The following ZDHHC14 variants were observed in gnomAD, a reference collection of about 807,000 sequenced individuals.
ZDHHC14 encodes the protein zDHHC palmitoyltransferase 14.
ZDHHC14 carries 16 observed loss-of-function variants against 47.7 expected under a neutral mutation model. The observed-to-expected ratio is 0.34, with a 90% CI of 0.23 to 0.51. The LOEUF is 0.51. Ranked by LOEUF, ZDHHC14 falls within the 20% of genes least tolerant of loss-of-function variation. The pLI is 0.97. For missense variants in ZDHHC14, 515 were observed against 662.5 expected (o/e 0.78, Z 2.44); for synonymous variants, 293 against 278.9 (o/e 1.05, Z -0.50).
In ZDHHC14 at chr6:157,397,566, G is replaced by A. The variant is rs546761060; in HGVS notation, c.245+15300G>A. 1.5e-3 allele frequency among the ~76,000 whole-genome samples: 236 copies of A among 152,294 alleles called. 1 individual carries two copies. Among genetic ancestry groups the A allele is most frequent in the African/African-American group, 5.3e-3 (219 of 41,548 alleles). On this transcript the variant is annotated intron_variant, in intron 1 of 8. Transcript: ENST00000359775. ...GCCAGGAAGGGCTTTCTGCTTTTAA[G>A]AACCCATGGGATTCCCTGGGCCCAC...
intron 1 of ZDHHC14, among the ~76,000 whole-genome samples, chr6:157,395,571 G>A (rs1156602013): frequency 2.0e-5 from 3 of 152,064 alleles, no homozygotes; most frequent in South Asian, 4.1e-4. Flanking sequence ...CAAGGCCGGC[G>A]GATCAGGAGG....
chr6:157,522,983 T>TCC (rs1562461110), intron 1 of ZDHHC14, among the ~76,000 whole-genome samples: 4 of 34,994 alleles, frequency 1.1e-4, no homozygotes, highest in African/African-American at 7.7e-4. Flanking sequence ...TTCTTTTCTT[T>TCC]TTCTTTTCTT....
intron 1 of ZDHHC14, among the ~76,000 whole-genome samples, chr6:157,435,531 TTC>T (rs762480715): frequency 6.6e-6 from 1 of 151,756 alleles, no homozygotes; most frequent in Non-Finnish European, 1.5e-5. Context: ...CCTCCCTCAT[TTC>T]TCTCTCTCTC....
chr6:157,556,229 A>G (rs994826436), intron 2 of ZDHHC14, among the ~76,000 whole-genome samples: 5 of 132,448 alleles, frequency 3.8e-5, no homozygotes, highest in African/African-American at 1.4e-4. Context: ...GCAGGAAAGC[A>G]GAGCCAGCAG....
At chr6:157,542,399 T>C (rs1362313659) in intron 1 of ZDHHC14, among the ~76,000 whole-genome samples, 186 bp from the exon 2 acceptor site, 1 of 152,228 alleles carries the variant, frequency 6.6e-6, no homozygotes, top group African/African-American at 2.4e-5. Context: ...CAATTGTCTG[T>C]AAGACAGAAC....
At chr6:157,453,786 T>TG (rs1778853550) in intron 1 of ZDHHC14, among the ~76,000 whole-genome samples, 1 of 81,536 alleles carries the variant, frequency 1.2e-5, no homozygotes, top group African/African-American at 5.4e-5. Context: ...GTTTTTTGTG[T>TG]TTTGTGTGTG....
chr6:157,555,182 C>T (rs1366493738), intron 2 of ZDHHC14, among the ~76,000 whole-genome samples: 2 of 152,184 alleles, frequency 1.3e-5, no homozygotes, highest in Non-Finnish European at 2.9e-5. Flanking sequence ...AAAGAAAAGG[C>T]ATGTTTCTCT....
intron 1 of ZDHHC14, among the ~76,000 whole-genome samples, chr6:157,444,644 C>T (rs1778623668): frequency 6.6e-6 from 1 of 151,446 alleles, no homozygotes; most frequent in Admixed American, 6.6e-5. Flanking sequence ...CACCATTGCA[C>T]CCCAGCCTGG....
chr6:157,550,242 G>A (rs1309186253), intron 2 of ZDHHC14, among the ~76,000 whole-genome samples: 3 of 152,206 alleles, frequency 2.0e-5, no homozygotes, highest in Non-Finnish European at 4.4e-5. Flanking sequence ...GCTAGCGACC[G>A]CAGCATCACA....
intron 2 of ZDHHC14, among the ~76,000 whole-genome samples, chr6:157,556,043 C>T (rs897820651): frequency 6.6e-6 from 1 of 152,072 alleles, no homozygotes; most frequent in African/African-American, 2.4e-5. Context: ...TACTGGGATG[C>T]GGGGCGGCAG....
intron 8 of ZDHHC14, among the ~76,000 whole-genome samples, chr6:157,664,097 C>A (rs1441952374): frequency 6.6e-6 from 1 of 152,190 alleles, no homozygotes; most frequent in East Asian, 1.9e-4. Flanking sequence ...TATCCTTACC[C>A]ACGCTCCCCT....
chr6:157,434,350 C>A (rs1778398818), intron 1 of ZDHHC14, among the ~76,000 whole-genome samples: 1 of 151,908 alleles, frequency 6.6e-6, no homozygotes, highest in Non-Finnish European at 1.5e-5. Context: ...AGGGTCCTGC[C>A]AGCCGGCCGA....
intron 1 of ZDHHC14, among the ~76,000 whole-genome samples, chr6:157,434,964 C>G: frequency 6.6e-6 from 1 of 152,224 alleles, no homozygotes; most frequent in Non-Finnish European, 1.5e-5. Flanking sequence ...AACACACTTT[C>G]TGGGTTTCTC....
intron 1 of ZDHHC14, among the ~76,000 whole-genome samples, chr6:157,466,961 G>A (rs1024563319): frequency 6.6e-5 from 10 of 151,988 alleles, no homozygotes; most frequent in African/African-American, 2.4e-4. Flanking sequence ...CCCTCACATG[G>A]CGAGGCTCAT....
chr6:157,659,368 G>A (rs559341230), intron 8 of ZDHHC14, among the ~76,000 whole-genome samples: 3 of 152,306 alleles, frequency 2.0e-5, no homozygotes, highest in South Asian at 4.1e-4. Context: ...TCCGGGCCCC[G>A]CACTGTTGCT....
chr6:157,596,668 T>G (rs1784146212), intron 3 of ZDHHC14, among the ~76,000 whole-genome samples: 1 of 152,166 alleles, frequency 6.6e-6, no homozygotes, highest in Non-Finnish European at 1.5e-5. Flanking sequence ...CCTGGCAAGT[T>G]GTCTGAACGC....
chr6:157,498,869 T>C (rs1156917876), intron 1 of ZDHHC14, among the ~76,000 whole-genome samples: 2 of 152,258 alleles, frequency 1.3e-5, no homozygotes, highest in African/African-American at 4.8e-5. Context: ...CTATGGCTGT[T>C]ATCTGTTTCC....
chr6:157,439,689 A>G (rs1236058599), intron 1 of ZDHHC14, among the ~76,000 whole-genome samples: 1 of 152,186 alleles, frequency 6.6e-6, no homozygotes, highest in African/African-American at 2.4e-5. Flanking sequence ...AAATCATCCT[A>G]TTACAAAGGT....
At chr6:157,528,446 G>T (rs1472024215) in intron 1 of ZDHHC14, among the ~76,000 whole-genome samples, 1 of 147,776 alleles carries the variant, frequency 6.8e-6, no homozygotes, top group South Asian at 2.2e-4. Context: ...TAAAAAGCAC[G>T]ATAGGGTGGG....
Sources: gnomAD v4.1 joint callset for allele counts (sites outside exome capture counted in the v4.1 genomes callset) on GRCh38, gnomAD v4.1.1 for gene constraint, MANE v1.5 for transcripts, NCBI Gene and HGNC (gene_info 2026-07-23, HGNC 2026-07-21) for gene names.